Variants in AKAP7 observed in about 807,000 individuals in gnomAD.
AKAP7 encodes the protein A-kinase anchoring protein 7.
AKAP7 carries 39 observed loss-of-function variants against 39.5 expected under a neutral mutation model. The ratio of observed to expected loss-of-function variants is 0.99; its 90% CI spans 0.76 to 1.29. The LOEUF (loss-of-function observed/expected upper bound fraction) is 1.29, where lower values mean the gene tolerates loss of function less well. Ranked by LOEUF, AKAP7 falls within the 50% of genes most tolerant of loss-of-function variation. The pLI, the probability that AKAP7 is intolerant of heterozygous loss-of-function variation, is 0.00. For synonymous variants in AKAP7, 140 were observed against 139.1 expected (o/e 1.01, Z -0.05); for missense variants, 414 against 407.7 (o/e 1.02, Z -0.13).
chr6:131,186,909 A>G (rs541638780), intron 5 of AKAP7, among the ~76,000 whole-genome samples: 1 of 152,328 alleles, frequency 6.6e-6, no homozygotes, highest in South Asian at 2.1e-4. Context: ...GGACACAAAC[A>G]TTCAGACCAT....
intron 1 of AKAP7, among the ~76,000 whole-genome samples, chr6:131,137,172 C>G (rs552962533): frequency 6.6e-5 from 10 of 151,706 alleles, no homozygotes; most frequent in African/African-American, 2.4e-4. Context: ...CTTGCCATGT[C>G]ACCAAGGCTT....
chr6:131,250,302 G>A (rs950852896), intron 7 of AKAP7: 11 of 1,266,336 alleles, frequency 8.7e-6, no homozygotes, highest in South Asian at 4.0e-5. Context: ...ATACGGGAGC[G>A]TATAGCCACT....
At chr6:131,160,253 ACAACTAAATGCTTATTAGCC>A in intron 3 of AKAP7, 55 bp downstream of exon 3, 2 of 1,467,122 alleles carry the variant, frequency 1.4e-6, no homozygotes, top group South Asian at 2.4e-5. Flanking sequence ...AATTTAAAGT[ACAACTAAATGCTTATTAGCC>A]CACTTGCTCT....
chr6:131,226,743 T>C (rs530486355), intron 7 of AKAP7, among the ~76,000 whole-genome samples: 1 of 152,292 alleles, frequency 6.6e-6, no homozygotes, highest in South Asian at 2.1e-4. Flanking sequence ...CAGTGGGGAA[T>C]TTGGAAAGGT....
intron 3 of AKAP7, among the ~76,000 whole-genome samples, chr6:131,163,910 A>G (rs973920260): frequency 3.3e-5 from 5 of 151,976 alleles, no homozygotes; most frequent in Non-Finnish European, 5.9e-5. Context: ...ACTAAATTCT[A>G]CAAGGACAGA....
intron 4 of AKAP7, among the ~76,000 whole-genome samples, chr6:131,168,707 G>A (rs904324661): frequency 6.6e-6 from 1 of 152,158 alleles, no homozygotes; most frequent in African/African-American, 2.4e-5. Context: ...TATATGTACT[G>A]TAAAAGTATT....
At chr6:131,266,126 G>A (rs916935296) in intron 7 of AKAP7, among the ~76,000 whole-genome samples, 1 of 152,136 alleles carries the variant, frequency 6.6e-6, no homozygotes, top group Non-Finnish European at 1.5e-5. Flanking sequence ...TCTTCAGGAA[G>A]GAACAGTAGG....
chr6:131,208,914 A>G (rs1205523346), intron 6 of AKAP7, among the ~76,000 whole-genome samples: 2 of 152,224 alleles, frequency 1.3e-5, no homozygotes, highest in African/African-American at 4.8e-5. Flanking sequence ...GAAGTGACAC[A>G]CATCATTTCT....
Position 131,161,626 on chromosome 6 carries a change from CAG to C in AKAP7, c.291+1431_291+1432del, listed in dbSNP as rs747683906. On this transcript the variant is annotated intron_variant, in intron 3 of 7. Transcript: ENST00000431975. ...TGCCACTGCACTCCAGCCTGGGTGA[CAG>C]AGCCAGACTGTATCTCAAAAAAAAA... Among the ~76,000 whole-genome samples, 3 of 93,092 alleles carry C rather than the reference CAG, an allele frequency of 3.2e-5. No individual in the cohort carries two copies. The East Asian group carries it at 1.0e-3, about 32-fold the overall frequency. 61.1% of individuals were successfully genotyped at this position (93,092 alleles called of 152,430 possible).
At chr6:131,170,539 A>G (rs904454353) in intron 5 of AKAP7, among the ~76,000 whole-genome samples, 1 of 152,044 alleles carries the variant, frequency 6.6e-6, no homozygotes, top group African/African-American at 2.4e-5. Flanking sequence ...AAGTATATGT[A>G]TTTTCATTTT....
chr6:131,242,197 T>G (rs936623482), intron 7 of AKAP7: 2 of 984,300 alleles, frequency 2.0e-6, no homozygotes, highest in African/African-American at 3.5e-5. Context: ...GAGTATTTTA[T>G]CTTGATTCTG....
At chr6:131,230,106 A>C (rs2128305157) in intron 7 of AKAP7, among the ~76,000 whole-genome samples, 1 of 152,346 alleles carries the variant, frequency 6.6e-6, no homozygotes, top group South Asian at 2.1e-4. Context: ...ATCTGGGTGT[A>C]TACCCAGTAA....
intron 7 of AKAP7, among the ~76,000 whole-genome samples, chr6:131,269,304 C>G (rs1814077873): frequency 6.6e-6 from 1 of 152,134 alleles, no homozygotes; most frequent in South Asian, 2.1e-4. Context: ...TTCAGGTGAT[C>G]CGCCAAGTGC....
At chr6:131,192,580 C>A (rs894604458) in intron 5 of AKAP7, among the ~76,000 whole-genome samples, 3 of 152,076 alleles carry the variant, frequency 2.0e-5, no homozygotes, top group Non-Finnish European at 4.4e-5. Flanking sequence ...TTTTGTGATT[C>A]CATGTGAATT....
chr6:131,160,429 A>T (rs528035173), intron 3 of AKAP7, among the ~76,000 whole-genome samples: 1 of 152,346 alleles, frequency 6.6e-6, no homozygotes, highest in East Asian at 1.9e-4. Context: ...CCCAGGCTGG[A>T]GTGCAGTGGC....
At chr6:131,231,106 C>G (rs984804063) in intron 7 of AKAP7, among the ~76,000 whole-genome samples, 1 of 152,116 alleles carries the variant, frequency 6.6e-6, no homozygotes, top group Non-Finnish European at 1.5e-5. Context: ...TCAACACTTT[C>G]ATAAATTAAT....
At chr6:131,276,391 A>C (rs1423142643) in intron 7 of AKAP7, among the ~76,000 whole-genome samples, 1 of 152,060 alleles carries the variant, frequency 6.6e-6, no homozygotes, top group Admixed American at 6.5e-5. Context: ...GTGTCAGTTT[A>C]AATGTGCACT....
intron 7 of AKAP7, chr6:131,250,141 G>A (rs983509435): frequency 1.1e-5 from 11 of 984,086 alleles, no homozygotes; most frequent in Non-Finnish European, 1.3e-5. Flanking sequence ...TTTTTTGGGG[G>A]TTTGAATTTT....
chr6:131,223,012 G>A (rs1809843564), intron 7 of AKAP7, among the ~76,000 whole-genome samples: 2 of 152,170 alleles, frequency 1.3e-5, no homozygotes, highest in Admixed American at 1.3e-4. Context: ...CCAGCAAAAA[G>A]ATTATGACTT....
Sources: gnomAD v4.1 joint callset for allele counts (sites outside exome capture counted in the v4.1 genomes callset) on GRCh38, gnomAD v4.1.1 for gene constraint, MANE v1.5 for transcripts, NCBI Gene and HGNC (gene_info 2026-07-23, HGNC 2026-07-21) for gene names.